POF1B: variants seen among roughly 807,000 people sequenced by gnomAD.
The protein encoded by POF1B is POF1B actin binding protein, also known as protein POF1B.
A neutral mutation model predicts 55.3 loss-of-function variants in POF1B; 53 were observed. The ratio of observed to expected loss-of-function variants is 0.96; its 90% CI spans 0.77 to 1.20. The LOEUF (loss-of-function observed/expected upper bound fraction) is 1.20. Ranked by LOEUF, POF1B falls within the 50% of genes most tolerant of loss-of-function variation. POF1B has a pLI of 0.00. For missense variants in POF1B, 478 were observed against 420.5 expected (o/e 1.14, Z -1.20); for synonymous variants, 188 against 148.3 (o/e 1.27, Z -1.95).
intron 9 of POF1B, among the ~76,000 whole-genome samples, chrX:85,310,701 T>C (rs73513653): frequency 0.027 from 3,039 of 111,313 alleles, 109 homozygotes; most frequent in African/African-American, 0.094. Flanking sequence ...CTGAGAAGTT[T>C]CCCAAATTAG....
At chrX:85,370,285 C>G (rs1036276281) in intron 2 of POF1B, among the ~76,000 whole-genome samples, 16 of 111,697 alleles carry the variant, frequency 1.4e-4, no homozygotes, top group Admixed American at 1.3e-3. Flanking sequence ...ATTCTTTAAT[C>G]TTCTTATATG....
At chrX:85,347,901 G>A (rs1207959982) in intron 5 of POF1B, among the ~76,000 whole-genome samples, 2 of 110,605 alleles carry the variant, frequency 1.8e-5, no homozygotes, top group Non-Finnish European at 3.8e-5. Flanking sequence ...ACTGGAATGA[G>A]GTAAAATTAC....
At chrX:85,316,820 A>G (rs1284425013) in intron 7 of POF1B, among the ~76,000 whole-genome samples, 1 of 110,259 alleles carries the variant, frequency 9.1e-6, no homozygotes, top group Non-Finnish European at 1.9e-5. Flanking sequence ...GATTTCATCA[A>G]TGAGGTAATA....
intron 15 of POF1B, among the ~76,000 whole-genome samples, chrX:85,299,453 T>G (rs1603029043): frequency 9.6e-6 from 1 of 104,519 alleles, no homozygotes; most frequent in East Asian, 3.0e-4. Context: ...CACGCCTGGC[T>G]AATTTTTTGT....
intron 8 of POF1B, among the ~76,000 whole-genome samples, chrX:85,315,129 G>T (rs758244246): frequency 9.0e-6 from 1 of 111,341 alleles, no homozygotes; most frequent in Non-Finnish European, 1.9e-5. Context: ...TGGAAAAAAT[G>T]ATTAAAAACA....
chrX:85,375,167 T>C (rs377012235), intron 2 of POF1B, among the ~76,000 whole-genome samples: 6 of 111,508 alleles, frequency 5.4e-5, no homozygotes, highest in African/African-American at 2.0e-4. Flanking sequence ...ATATACTTTA[T>C]TGAAAATCAA....
Position 85,360,527 on chromosome X carries a change from G to GTGTATATATATA in POF1B, c.358-898_358-897insTATATATATACA, listed in dbSNP as rs1555988251. On this transcript the variant is annotated intron_variant, in intron 3 of 16. Transcript: ENST00000262753. ...ATGGCTGCCTAGTATTCCATGGTAT[G>GTGTATATATATA]TATATATATATATATATATATATAT... is the stretch of plus-strand genomic sequence containing the variant. 4.6e-4 allele frequency among the ~76,000 whole-genome samples: 27 copies of GTGTATATATATA among 58,522 alleles called. 2 individuals carry two copies. Among genetic ancestry groups the GTGTATATATATA allele is most frequent in the East Asian group, 4.0e-3 (8 of 2,016 alleles). 50.8% of individuals were successfully genotyped at this position (58,522 alleles called of 115,157 possible). A position where few individuals can be genotyped will look rare whatever the true frequency, so the allele number is the denominator to read the frequency against.
chrX:85,329,957 A>G (rs996224685), intron 7 of POF1B, among the ~76,000 whole-genome samples: 2 of 109,682 alleles, frequency 1.8e-5, no homozygotes, highest in Admixed American at 2.0e-4. Context: ...ACATTAACCT[A>G]TATATTATAT....
At chrX:85,367,965 T>G (rs1451285790) in intron 2 of POF1B, among the ~76,000 whole-genome samples, 199 bp from the exon 3 acceptor site, 46 of 112,042 alleles carry the variant, frequency 4.1e-4, no homozygotes, top group Non-Finnish European at 2.3e-4. Flanking sequence ...AAAGAGTTTC[T>G]AGAGTGCTTT....
intron 5 of POF1B, among the ~76,000 whole-genome samples, chrX:85,347,361 A>G (rs1278250104): frequency 4.5e-5 from 5 of 111,502 alleles, no homozygotes; most frequent in Non-Finnish European, 9.5e-5. Context: ...ACAATTTTCA[A>G]GCTGTATTAA....
intron 7 of POF1B, among the ~76,000 whole-genome samples, chrX:85,324,105 TG>T (rs1932871031): frequency 8.9e-6 from 1 of 112,086 alleles, no homozygotes; most frequent in African/African-American, 3.2e-5. Flanking sequence ...TCATGTTTTT[TG>T]TATTTGCTGA....
intron 7 of POF1B, among the ~76,000 whole-genome samples, chrX:85,325,844 G>A (rs911676574): frequency 1.8e-5 from 2 of 111,252 alleles, no homozygotes; most frequent in Non-Finnish European, 3.8e-5. Context: ...CCTTTGGTTG[G>A]TTATTTTTTT....
rs751503169 is a variant in POF1B, at chrX:85,319,601, A to T, written c.855-3867T>A. On this transcript the variant is annotated intron_variant, in intron 7 of 16. Transcript: ENST00000262753. ...AAGGGATCTTACATTTCATCAAAAA[A>T]CCTTTTCCGTATCTATCGAGTGATC... 8.1e-5 allele frequency among the ~76,000 whole-genome samples: 9 copies of T among 110,606 alleles called. No individual in the cohort carries two copies. In the East Asian group the frequency reaches 2.6e-3, roughly 31 times the overall value.
intron 6 of POF1B, among the ~76,000 whole-genome samples, chrX:85,340,134 G>C (rs1296456545): frequency 9.0e-6 from 1 of 110,891 alleles, no homozygotes; most frequent in Non-Finnish European, 1.9e-5. Context: ...TTGAAGACTG[G>C]TAATGAGTTG....
chrX:85,362,875 T>C (rs906095823), intron 3 of POF1B, among the ~76,000 whole-genome samples: 11 of 111,330 alleles, frequency 9.9e-5, no homozygotes, highest in African/African-American at 3.6e-4. Flanking sequence ...CATCTGGTCC[T>C]GGGCTTTTTT....
At chrX:85,350,235 C>T (rs1179096560) in intron 5 of POF1B, among the ~76,000 whole-genome samples, 2 of 106,450 alleles carry the variant, frequency 1.9e-5, no homozygotes, top group Non-Finnish European at 3.9e-5. Flanking sequence ...TTCTTGTGTC[C>T]ATGTGTTCTC....
At chrX:85,327,260 A>C (rs1932906961) in intron 7 of POF1B, among the ~76,000 whole-genome samples, 1 of 111,198 alleles carries the variant, frequency 9.0e-6, no homozygotes, top group Non-Finnish European at 1.9e-5. Flanking sequence ...GGGGCCTAGA[A>C]AGGAGCCCCA....
chrX:85,326,319 G>C (rs1055923189), intron 7 of POF1B, among the ~76,000 whole-genome samples: 3 of 111,277 alleles, frequency 2.7e-5, no homozygotes, highest in Non-Finnish European at 3.8e-5. Context: ...CCCTGCATGC[G>C]TTTGCCCGGC....
At chrX:85,315,865 AG>A (rs1932783074) in intron 7 of POF1B, 131 bp from the exon 8 acceptor site, 1 of 505,498 alleles carries the variant, frequency 2.0e-6, no homozygotes, top group African/African-American at 2.5e-5. Flanking sequence ...TATAAGCACA[AG>A]TGAAAATGTT....
Sources: gnomAD v4.1 joint callset for allele counts (sites outside exome capture counted in the v4.1 genomes callset) on GRCh38, gnomAD v4.1.1 for gene constraint, MANE v1.5 for transcripts, NCBI Gene and HGNC (gene_info 2026-07-23, HGNC 2026-07-21) for gene names.